SLC22A25: variants seen among roughly 807,000 people sequenced by gnomAD.
The protein encoded by SLC22A25 is solute carrier family 22 member 25, also known as MGI:2442751, MGI:2385316, MGI:3042283, MGI:3645714, MGI:3605624, MGI:2442750.
Under a neutral mutation model 45.9 loss-of-function variants are expected in SLC22A25, and 44 were observed. The ratio of observed to expected loss-of-function variants is 0.96; its 90% CI spans 0.75 to 1.23. The LOEUF (loss-of-function observed/expected upper bound fraction) is 1.23. SLC22A25 is among the 50% of genes most tolerant of loss of function. SLC22A25 has a pLI of 0.00. For synonymous variants in SLC22A25, 283 were observed against 238.6 expected (o/e 1.19, Z -1.72); for missense variants, 800 against 666.4 (o/e 1.20, Z -2.21).
intron 7 of SLC22A25, among the ~76,000 whole-genome samples, chr11:63,211,042 G>T (rs2089544169): frequency 6.6e-6 from 1 of 151,510 alleles, no homozygotes. Context: ...TGAACTGTGT[G>T]CCAGAAGGCC....
chr11:63,181,305 C>T (rs2088310677), intron 8 of SLC22A25, among the ~76,000 whole-genome samples: 1 of 151,908 alleles, frequency 6.6e-6, no homozygotes, highest in South Asian at 2.1e-4. Context: ...TTTTAGGGTA[C>T]ATGATATACA....
At chr11:63,210,339 C>T (rs949266420) in intron 7 of SLC22A25, among the ~76,000 whole-genome samples, 2 of 152,280 alleles carry the variant, frequency 1.3e-5, no homozygotes, top group East Asian at 3.9e-4. Flanking sequence ...ATAGCTGCTG[C>T]ACTAGCAGAA....
intron 9 of SLC22A25, among the ~76,000 whole-genome samples, chr11:63,180,442 G>C (rs2088277362): frequency 6.6e-6 from 1 of 152,112 alleles, no homozygotes; most frequent in Non-Finnish European, 1.5e-5. Context: ...CCACTGATGA[G>C]CCTGGTAGAA....
rs779655216 is a variant in SLC22A25, at chr11:63,229,412, A to T, written c.241T>A (p.Ser81Thr). 3 of 1,612,100 alleles carry T rather than the reference A, an allele frequency of 1.9e-6. No homozygotes were observed. Among genetic ancestry groups the T allele is most frequent in the East Asian group, 4.5e-5 (2 of 44,872 alleles). ...CGACACTTCTCTGGCCTCAGATTTGAGTCGAATGGGATGGAGATTCTCAGG... is the reference window on the plus strand; with the variant it reads ...CGACACTTCTCTGGCCTCAGATTTGTGTCGAATGGGATGGAGATTCTCAGG... ...ALLRISIPFD[S>T]NLRPEKCRRF... The change falls in exon 4 of 12, where the codon TCA becomes ACA. Residue 81 changes from serine (S) to threonine (T), a missense_variant. Ser to Thr is a moderately conservative substitution (Grantham distance 58). Coordinates refer to ENST00000306494, the MANE Select transcript of SLC22A25 (RefSeq NM_199352.6).
chr11:63,202,667 T>G (rs1457691907), intron 7 of SLC22A25, among the ~76,000 whole-genome samples: 1 of 152,178 alleles, frequency 6.6e-6, no homozygotes, highest in African/African-American at 2.4e-5. Context: ...CACGGGCTTA[T>G]AGATAAAATT....
intron 7 of SLC22A25, among the ~76,000 whole-genome samples, chr11:63,203,533 T>A (rs2089310658): frequency 6.6e-6 from 1 of 151,408 alleles, no homozygotes; most frequent in Admixed American, 6.6e-5. Flanking sequence ...ATAGCAAAAT[T>A]GATCAAGCAG....
chr11:63,166,033 A>G lies in SLC22A25; in HGVS notation c.1285+11T>C, dbSNP rs1315538083. The G allele has an allele frequency of 1.9e-6, 3 of 1,612,292 alleles. No homozygotes were observed. Among genetic ancestry groups the G allele is most frequent in the South Asian group, 1.1e-5 (1 of 91,066 alleles). On this transcript the variant is annotated intron_variant, in intron 10 of 11. Coordinates refer to ENST00000306494, the MANE Select transcript of SLC22A25 (RefSeq NM_199352.6). ...GACATTTTCTTTCTTCCACCTGTGAACTTTTCTCACCTTGAGGCACAAATA... is the reference window on the plus strand; with the variant it reads ...GACATTTTCTTTCTTCCACCTGTGAGCTTTTCTCACCTTGAGGCACAAATA...
intron 3 of SLC22A25, among the ~76,000 whole-genome samples, chr11:63,235,886 G>A (rs565381494): frequency 2.0e-5 from 3 of 152,370 alleles, no homozygotes; most frequent in South Asian, 4.1e-4. Flanking sequence ...CTGCAGGTCT[G>A]TGGGAGTTTA....
chr11:63,209,965 A>C (rs1217595993), intron 7 of SLC22A25, among the ~76,000 whole-genome samples: 1 of 152,238 alleles, frequency 6.6e-6, no homozygotes, highest in Admixed American at 6.5e-5. Flanking sequence ...GAATGGCTGC[A>C]GCTATATAGA....
Position 63,160,962 on chromosome 11 carries a change from C to T in SLC22A25, c.*2862G>A, listed in dbSNP as rs1026362101. On this transcript the variant is annotated 3_prime_UTR_variant, in exon 12 of 12. Transcript: ENST00000306494. Reference sequence around the variant, plus strand: ...TCAAAAAAATTAAAAGTAAAGCTAACATTTGACCCAACAGTTCCACTGCAC... The same window carrying T: ...TCAAAAAAATTAAAAGTAAAGCTAATATTTGACCCAACAGTTCCACTGCAC... 6.6e-6 allele frequency among the ~76,000 whole-genome samples: 1 copy of T among 152,170 alleles called. No homozygotes were observed. Among genetic ancestry groups the T allele is most frequent in the South Asian group, 2.1e-4 (1 of 4,832 alleles).
intron 7 of SLC22A25, among the ~76,000 whole-genome samples, chr11:63,184,930 G>A (rs918333342): frequency 1.3e-5 from 2 of 152,092 alleles, no homozygotes; most frequent in Non-Finnish European, 2.9e-5. Context: ...TGGCTGACAT[G>A]ACAGAAGCAG....
chr11:63,195,588 G>C (rs1258973529), intron 7 of SLC22A25, among the ~76,000 whole-genome samples: 1 of 152,090 alleles, frequency 6.6e-6, no homozygotes, highest in Non-Finnish European at 1.5e-5. Context: ...CAGAATCTCT[G>C]GGACACATTC....
At chr11:63,233,483 C>T (rs1397885939) in intron 3 of SLC22A25, among the ~76,000 whole-genome samples, 1 of 152,044 alleles carries the variant, frequency 6.6e-6, no homozygotes, top group Admixed American at 6.5e-5. Context: ...GTGGTGATAT[C>T]CCCTTTGTCA....
At chr11:63,181,755 T>C (rs189272204) in intron 8 of SLC22A25, among the ~76,000 whole-genome samples, 118 of 152,218 alleles carry the variant, frequency 7.8e-4, no homozygotes, top group African/African-American at 2.7e-3. Flanking sequence ...CAGGTTAGGC[T>C]CTGCACCTCT....
intron 7 of SLC22A25, among the ~76,000 whole-genome samples, chr11:63,198,714 T>C (rs1388534382): frequency 1.3e-5 from 2 of 151,752 alleles, no homozygotes; most frequent in Non-Finnish European, 2.9e-5. Context: ...ACTTTAAGTA[T>C]AATAAAAAAA....
At chr11:63,210,473 G>A (rs978617161) in intron 7 of SLC22A25, among the ~76,000 whole-genome samples, 11 of 152,116 alleles carry the variant, frequency 7.2e-5, no homozygotes, top group African/African-American at 2.7e-4. Flanking sequence ...CAGGCAAATG[G>A]GCCACTGGAA....
rs2090022010 is a variant in SLC22A25, at chr11:63,229,242, G to A, written c.402+9C>T. 1.3e-6 allele frequency: 2 copies of A among 1,504,960 alleles called. No homozygotes were observed. The highest frequency in any genetic ancestry group is 2.8e-5 in the South Asian group (2 of 71,820). The allele number at this position is 1,504,960 out of a possible 1,614,324, so 93.2% of individuals were successfully genotyped here. A position where few individuals can be genotyped will look rare whatever the true frequency, so the allele number is the denominator to read the frequency against. ...CATGTACACAAGAGAGGAAAATGAG[G>A]CCTCTTACCTTAGTCACAATGGTGG... On this transcript the variant is annotated intron_variant, in intron 4 of 11. Coordinates refer to ENST00000306494, the MANE Select transcript of SLC22A25 (RefSeq NM_199352.6).
intron 5 of SLC22A25, among the ~76,000 whole-genome samples, 178 bp downstream of exon 5, chr11:63,228,283 C>T (rs1180185270): frequency 6.6e-6 from 1 of 152,186 alleles, no homozygotes; most frequent in South Asian, 2.1e-4. Flanking sequence ...GCACAGCACA[C>T]ACATTTTAAA....
At chr11:63,220,596 C>A (rs150554498) in intron 5 of SLC22A25, among the ~76,000 whole-genome samples, 127 of 152,282 alleles carry the variant, frequency 8.3e-4, no homozygotes, top group African/African-American at 2.8e-3. Flanking sequence ...TCACCTCAAG[C>A]ATTTATCCTT....
Sources: allele counts gnomAD v4.1 joint callset (sites outside exome capture counted in the v4.1 genomes callset), GRCh38; gene constraint gnomAD v4.1.1; transcripts MANE v1.5; gene names NCBI Gene and HGNC (gene_info 2026-07-23, HGNC 2026-07-21).